The following SEMA6D variants were observed in gnomAD, a reference collection of about 807,000 sequenced individuals.
The protein encoded by SEMA6D is semaphorin-6D.
A neutral mutation model predicts 106.6 loss-of-function variants in SEMA6D; 35 were observed. That is an observed-to-expected ratio of 0.33 (90% CI 0.25 to 0.44). The LOEUF is 0.44. SEMA6D is among the 20% of genes least tolerant of loss of function. The probability of loss-of-function intolerance (pLI) is 1.00; values close to 1 mark genes in which losing one functional copy is unlikely to be tolerated. For missense variants in SEMA6D, 1,185 were observed against 1,345.9 expected (o/e 0.88, Z 1.87); for synonymous variants, 499 against 487.7 (o/e 1.02, Z -0.31).
At chr15:47,399,739 G>A (rs777623744) in intron 1 of SEMA6D, among the ~76,000 whole-genome samples, 9 of 152,280 alleles carry the variant, frequency 5.9e-5, no homozygotes, top group South Asian at 2.1e-4. Context: ...AAACAAATTC[G>A]GATGATAATT....
intron 1 of SEMA6D, among the ~76,000 whole-genome samples, chr15:47,334,332 ACCCAAAGTGGGGTTTATGGGAACC>A (rs1477045084): frequency 6.6e-6 from 1 of 152,134 alleles, no homozygotes; most frequent in Non-Finnish European, 1.5e-5. Flanking sequence ...AATTAATCAA[ACCCAAAGTGGGGTTTATGGGAACC>A]CCCATTTAAA....
intron 4 of SEMA6D, among the ~76,000 whole-genome samples, chr15:47,607,981 G>C (rs912747830): frequency 6.6e-6 from 1 of 152,158 alleles, no homozygotes; most frequent in Non-Finnish European, 1.5e-5. Flanking sequence ...TTTTTGCACT[G>C]TCTGTTATAA....
intron 1 of SEMA6D, among the ~76,000 whole-genome samples, chr15:47,336,207 T>A (rs917927103): frequency 2.0e-5 from 3 of 152,168 alleles, no homozygotes; most frequent in African/African-American, 7.2e-5. Flanking sequence ...AGTGGTTGTG[T>A]CTCTTTTACC....
chr15:47,354,876 T>A (rs1273898064), intron 1 of SEMA6D, among the ~76,000 whole-genome samples: 3 of 152,140 alleles, frequency 2.0e-5, no homozygotes, highest in Admixed American at 2.0e-4. Flanking sequence ...TAAGCTGCCT[T>A]AAATGTGTGT....
intron 4 of SEMA6D, among the ~76,000 whole-genome samples, chr15:47,680,543 G>A (rs1300711022): frequency 6.6e-6 from 1 of 152,168 alleles, no homozygotes; most frequent in African/African-American, 2.4e-5. Flanking sequence ...CTCAAAAAAT[G>A]AGGTTGATGA....
chr15:47,431,284 TA>T (rs1319548283), intron 2 of SEMA6D, among the ~76,000 whole-genome samples: 1 of 152,114 alleles, frequency 6.6e-6, no homozygotes, highest in Non-Finnish European at 1.5e-5. Context: ...TTTATTAAAT[TA>T]AATAATAAAC....
At chr15:47,407,165 A>T (rs550475772) in intron 1 of SEMA6D, among the ~76,000 whole-genome samples, 1 of 152,176 alleles carries the variant, frequency 6.6e-6, no homozygotes, top group South Asian at 2.1e-4. Flanking sequence ...GGAGTTTGAG[A>T]CCAGCCTGGC....
At chr15:47,301,107 TG>T (rs1465701824) in intron 1 of SEMA6D, among the ~76,000 whole-genome samples, 1 of 152,202 alleles carries the variant, frequency 6.6e-6, no homozygotes, top group African/African-American at 2.4e-5. Context: ...CTAGACAAAA[TG>T]GAGTTCGAGT....
intron 1 of SEMA6D, among the ~76,000 whole-genome samples, chr15:47,392,253 T>A (rs183033099): frequency 7.3e-4 from 111 of 152,140 alleles, no homozygotes; most frequent in Admixed American, 4.3e-3. Context: ...AAACAAAGGA[T>A]GCCAGAATAA....
chr15:47,683,908 A>T (rs1331339482), intron 4 of SEMA6D, among the ~76,000 whole-genome samples: 1 of 152,154 alleles, frequency 6.6e-6, no homozygotes, highest in Non-Finnish European at 1.5e-5. Context: ...ACGTTTAGTG[A>T]CCCTCCTCAA....
rs369749902 is a variant in SEMA6D, at chr15:47,408,283, T to A, written c.-238-4110T>A. On this transcript the variant is annotated intron_variant, in intron 1 of 19. Transcript: ENST00000558014. ...TCCCCACTGAGACTTACTGCATCTG[T>A]AAATGGGGCATAATAATGTATCTAC... is the stretch of plus-strand genomic sequence containing the variant. Among the ~76,000 whole-genome samples, 3 of 152,174 alleles carry A rather than the reference T, an allele frequency of 2.0e-5. No homozygotes were observed. The East Asian group carries it at 5.8e-4, about 29-fold the overall frequency.
chr15:47,555,063 A>G (rs923151796), intron 3 of SEMA6D, among the ~76,000 whole-genome samples: 4 of 152,148 alleles, frequency 2.6e-5, no homozygotes, highest in African/African-American at 9.7e-5. Context: ...AATCCCTAAT[A>G]TGTTCAGAGA....
chr15:47,764,858 T>G (rs781636743), intron 12 of SEMA6D, 25 bp from the exon 13 acceptor site: 8 of 1,613,546 alleles, frequency 5.0e-6, no homozygotes, highest in Non-Finnish European at 6.8e-6. Flanking sequence ...CCTCCCCTTC[T>G]GATCTGTGCC....
intron 1 of SEMA6D, among the ~76,000 whole-genome samples, chr15:47,411,213 A>T (rs1046558060): frequency 2.0e-5 from 3 of 152,000 alleles, no homozygotes; most frequent in Admixed American, 2.0e-4. Context: ...CTCTTGCCTC[A>T]GCCTCTGAAG....
At chr15:47,191,241 A>G (rs1178881587) in intron 1 of SEMA6D, among the ~76,000 whole-genome samples, 1 of 152,032 alleles carries the variant, frequency 6.6e-6, no homozygotes, top group East Asian at 1.9e-4. Context: ...GGTGTGTTTT[A>G]TAGTTTATAT....
At chr15:47,399,067 AAT>A (rs2040312980) in intron 1 of SEMA6D, among the ~76,000 whole-genome samples, 2 of 152,348 alleles carry the variant, frequency 1.3e-5, no homozygotes, top group South Asian at 4.1e-4. Context: ...TTTACATGAG[AAT>A]AGTTTACAAA....
intron 1 of SEMA6D, among the ~76,000 whole-genome samples, chr15:47,403,966 A>G (rs937102341): frequency 3.9e-5 from 6 of 152,208 alleles, no homozygotes; most frequent in Admixed American, 3.9e-4. Context: ...TGAGAAGTTT[A>G]TGGTCCCAGC....
intron 1 of SEMA6D, among the ~76,000 whole-genome samples, chr15:47,388,523 C>A (rs1291236546): frequency 6.6e-6 from 1 of 152,126 alleles, no homozygotes; most frequent in African/African-American, 2.4e-5. Context: ...ATTCACGCTG[C>A]AGGCACTACC....
intron 1 of SEMA6D, among the ~76,000 whole-genome samples, chr15:47,187,688 C>T (rs987077688): frequency 6.6e-6 from 1 of 152,022 alleles, no homozygotes; most frequent in African/African-American, 2.4e-5. Flanking sequence ...AATTAATTGC[C>T]TTTTAAATTA....
Sources: allele counts gnomAD v4.1 joint callset (sites outside exome capture counted in the v4.1 genomes callset), GRCh38; gene constraint gnomAD v4.1.1; transcripts MANE v1.5; gene names NCBI Gene and HGNC (gene_info 2026-07-23, HGNC 2026-07-21).